The following ADCYAP1R1 variants were observed in gnomAD, a reference collection of about 807,000 sequenced individuals.
The protein encoded by ADCYAP1R1 is pituitary adenylate cyclase-activating polypeptide type I receptor.
A neutral mutation model predicts 67.6 loss-of-function variants in ADCYAP1R1; 44 were observed. The observed-to-expected ratio is 0.65, with a 90% CI of 0.51 to 0.84. ADCYAP1R1 has a LOEUF of 0.84. ADCYAP1R1 is among the 40% of genes least tolerant of loss of function. The probability of loss-of-function intolerance (pLI) is 0.00; values close to 1 mark genes in which losing one functional copy is unlikely to be tolerated. For missense variants in ADCYAP1R1, 477 were observed against 587.9 expected, an observed-to-expected ratio of 0.81 and a Z score of 1.95; for synonymous variants, 222 against 219.6, an observed-to-expected ratio of 1.01 and a Z score of -0.10.
Position 31,106,567 on chromosome 7 carries a change from C to A in ADCYAP1R1, c.1290C>A (p.His430Gln). 1 of 1,614,048 alleles carries A rather than the reference C, an allele frequency of 6.2e-7. No individual in the cohort carries two copies. The highest frequency in any genetic ancestry group is 8.5e-7 in the Non-Finnish European group (1 of 1,179,932). The change falls in exon 16 of 16, where the codon CAC becomes CAA. Residue 430 changes from histidine (H) to glutamine (Q), a missense_variant. Transcript: ENST00000304166. ...GTTACTTCGCTGTGGACTTCAAGCA[C>A]CGACACCCGTCTCTGGCCAGCAGTG... ...VNRYFAVDFK[H>Q]RHPSLASSGV...
At position 31,052,396 on chromosome 7, in the gene ADCYAP1R1, G is replaced by C. The variant is rs901523212; in HGVS notation, c.-354G>C. The C allele has an allele frequency of 1.4e-4, 21 of 151,780 alleles. No homozygotes were observed. Among genetic ancestry groups the C allele is most frequent in the Non-Finnish European group, 2.5e-4 (17 of 67,836 alleles). The allele number at this position is 151,780 out of a possible 1,614,324, so 9.4% of individuals were successfully genotyped here. On this transcript the variant is annotated 5_prime_UTR_variant, in exon 1 of 16. Coordinates refer to ENST00000304166, the MANE Select transcript of ADCYAP1R1 (RefSeq NM_001118.5). ...CAAGCTGGACTGCCGCGCCGCGCGGGGCGGGCAAAGGGGGCGCTGCGCTCG... is the reference window on the plus strand; with the variant it reads ...CAAGCTGGACTGCCGCGCCGCGCGGCGCGGGCAAAGGGGGCGCTGCGCTCG...
intron 1 of ADCYAP1R1, among the ~76,000 whole-genome samples, chr7:31,056,533 G>A (rs1163949250): frequency 6.6e-6 from 1 of 151,834 alleles, no homozygotes; most frequent in Non-Finnish European, 1.5e-5. Flanking sequence ...GCCACCTGTG[G>A]TGGGGGTGGG....
intron 6 of ADCYAP1R1, 31 bp downstream of exon 6, chr7:31,081,785 C>A: frequency 6.3e-7 from 1 of 1,576,820 alleles, no homozygotes; most frequent in Non-Finnish European, 8.6e-7. Flanking sequence ...TGACCATGGA[C>A]TGGCTGGAGG....
intron 1 of ADCYAP1R1, among the ~76,000 whole-genome samples, chr7:31,062,097 T>C (rs1206008375): frequency 6.6e-6 from 1 of 152,258 alleles, no homozygotes; most frequent in Non-Finnish European, 1.5e-5. Context: ...TAAAGGATGC[T>C]GTGGTGAATG....
intron 6 of ADCYAP1R1, among the ~76,000 whole-genome samples, chr7:31,082,519 C>A (rs1171540375): frequency 6.6e-6 from 1 of 152,198 alleles, no homozygotes; most frequent in Non-Finnish European, 1.5e-5. Flanking sequence ...TTTTTCAAAG[C>A]AGCTTCCCTT....
intron 13 of ADCYAP1R1, among the ~76,000 whole-genome samples, chr7:31,096,053 G>A (rs1027906270): frequency 2.0e-5 from 3 of 152,172 alleles, no homozygotes; most frequent in Admixed American, 6.5e-5. Flanking sequence ...ATTAAGCCTC[G>A]GGTAGGTCAG....
Position 31,056,558 on chromosome 7 carries a change from C to G in ADCYAP1R1, c.-72+3880C>G, listed in dbSNP as rs562083714. The stretch of plus-strand genomic sequence containing the variant: ...GTGGGGGTGGGCCAAGGAGACACAC[C>G]TCTCTCATTTTTCCGTGTCTCTGGA... On this transcript the variant is annotated intron_variant, in intron 1 of 15. Transcript: ENST00000304166. 1.7e-4 allele frequency among the ~76,000 whole-genome samples: 26 copies of G among 152,064 alleles called. No homozygotes were observed. In the South Asian group the frequency reaches 3.1e-3, roughly 18 times the overall value.
At position 31,106,893 on chromosome 7, in the gene ADCYAP1R1, C is replaced by T. The variant is rs1434311886; in HGVS notation, c.*209C>T. 1.0e-5 allele frequency: 6 copies of T among 593,554 alleles called. No homozygotes were observed. The highest frequency in any genetic ancestry group is 1.7e-5 in the Non-Finnish European group (6 of 353,786). The allele number at this position is 593,554 out of a possible 1,614,324, so 36.8% of individuals were successfully genotyped here. A position where few individuals can be genotyped will look rare whatever the true frequency, so the allele number is the denominator to read the frequency against. ...GTCCCACCCACTGTGGTCCCCTGGG[C>T]CCTGACCCCAGACATGTAAATACTC... On this transcript the variant is annotated 3_prime_UTR_variant, in exon 16 of 16. Coordinates refer to ENST00000304166, the MANE Select transcript of ADCYAP1R1 (RefSeq NM_001118.5).
At chr7:31,098,839 G>A (rs1039069305) in intron 13 of ADCYAP1R1, among the ~76,000 whole-genome samples, 1 of 152,006 alleles carries the variant, frequency 6.6e-6, no homozygotes, top group Non-Finnish European at 1.5e-5. Flanking sequence ...ACACAAGGCA[G>A]ATCCTGAATG....
chr7:31,083,029 A>G (rs1422532967), intron 6 of ADCYAP1R1, among the ~76,000 whole-genome samples: 1 of 152,232 alleles, frequency 6.6e-6, no homozygotes, highest in Non-Finnish European at 1.5e-5. Context: ...AGCTCCCTGG[A>G]GGTGGCCTTG....
At chr7:31,088,428 C>T (rs1299792329) in intron 12 of ADCYAP1R1, among the ~76,000 whole-genome samples, 1 of 152,148 alleles carries the variant, frequency 6.6e-6, no homozygotes, top group Non-Finnish European at 1.5e-5. Context: ...GAGGCCTTTC[C>T]CAACCCAAGA....
In ADCYAP1R1 at chr7:31,086,266, C is replaced by A; in HGVS notation, c.670-118C>A. ...ACTCTTTGATCCAGGAATATTGACT[C>A]TCTTAGATCCTTGGGATGTTTGAAC... On this transcript the variant is annotated intron_variant, in intron 9 of 15. Coordinates refer to ENST00000304166, the MANE Select transcript of ADCYAP1R1 (RefSeq NM_001118.5). The surrounding 1 kb of genome is among the most constrained non-coding windows in gnomAD (Gnocchi z 5.0). The A allele has an allele frequency of 9.4e-7, 1 of 1,064,966 alleles. No homozygotes were observed. The highest frequency in any genetic ancestry group is 1.6e-5 in the African/African-American group (1 of 62,562). 66.0% of individuals were successfully genotyped at this position (1,064,966 alleles called of 1,614,324 possible).
At chr7:31,099,303 C>G (rs560020037) in intron 13 of ADCYAP1R1, among the ~76,000 whole-genome samples, 9 of 152,322 alleles carry the variant, frequency 5.9e-5, no homozygotes, top group African/African-American at 2.2e-4. Context: ...ACACTGTCCC[C>G]TACAACTCCC....
At position 31,086,882 on chromosome 7, in the gene ADCYAP1R1, G is replaced by T. The variant is rs997624097; in HGVS notation, c.824-61G>T. ...TAGCCTCTCGGAGCCCCAGGTCTAC[G>T]GTGGACATTGGACATGTTGGTTTTC... is the stretch of plus-strand genomic sequence containing the variant. On this transcript the variant is annotated intron_variant, in intron 10 of 15. Coordinates refer to ENST00000304166, the MANE Select transcript of ADCYAP1R1 (RefSeq NM_001118.5). The surrounding 1 kb of genome is among the most constrained non-coding windows in gnomAD (Gnocchi z 5.0). 2 of 1,554,762 alleles carry T rather than the reference G, an allele frequency of 1.3e-6. No individual in the cohort carries two copies. The highest frequency in any genetic ancestry group is 1.4e-5 in the African/African-American group (1 of 73,696).
chr7:31,063,100 G>A (rs1363441883), intron 1 of ADCYAP1R1, 94 bp from the exon 2 acceptor site: 2 of 707,880 alleles, frequency 2.8e-6, no homozygotes, highest in Non-Finnish European at 4.9e-6. Context: ...TGAGAGCCGT[G>A]CTGCAGGGAG....
At chr7:31,103,505 T>G (rs986981063) in intron 14 of ADCYAP1R1, 139 bp downstream of exon 14, 1 of 1,223,438 alleles carries the variant, frequency 8.2e-7, no homozygotes, top group Admixed American at 2.3e-5. Flanking sequence ...CCCTGTCTGC[T>G]GTCTACCCTT....
intron 3 of ADCYAP1R1, among the ~76,000 whole-genome samples, chr7:31,066,242 C>CAATG (rs2128618473): frequency 6.6e-6 from 1 of 152,320 alleles, no homozygotes; most frequent in East Asian, 1.9e-4. Flanking sequence ...AGGTGTCCTG[C>CAATG]TCCCAACCCA....
intron 1 of ADCYAP1R1, among the ~76,000 whole-genome samples, chr7:31,053,261 G>A (rs1360197981): frequency 2.0e-5 from 3 of 152,212 alleles, no homozygotes; most frequent in Admixed American, 6.5e-5. Context: ...AAAGAGTGTC[G>A]TCTTCGTTTC....
intron 13 of ADCYAP1R1, among the ~76,000 whole-genome samples, chr7:31,096,191 T>C (rs558690860): frequency 3.3e-5 from 5 of 152,180 alleles, no homozygotes; most frequent in African/African-American, 1.2e-4. Flanking sequence ...CCGGCTTCAT[T>C]CTAGGGGTCT....
Sources: allele counts gnomAD v4.1 joint callset (sites outside exome capture counted in the v4.1 genomes callset), GRCh38; gene constraint gnomAD v4.1.1; non-coding constraint Gnocchi (gnomAD v3.1); transcripts MANE v1.5; gene names NCBI Gene and HGNC (gene_info 2026-07-23, HGNC 2026-07-21).